ZNF462: variants seen among roughly 807,000 people sequenced by gnomAD.
ZNF462 encodes the protein zinc finger PBX1-interacting protein.
In ZNF462, 10 loss-of-function variants were observed where a neutral mutation model predicts 201.9. That is an observed-to-expected ratio of 0.05 (90% CI 0.03 to 0.08). The LOEUF is 0.08. Among genes scored for constraint, ZNF462 ranks in the 10% least tolerant of loss-of-function variants. The probability of loss-of-function intolerance (pLI) is 1.00; values close to 1 mark genes in which losing one functional copy is unlikely to be tolerated. For synonymous variants in ZNF462, 1,227 were observed against 1,193.3 expected (o/e 1.03, Z -0.58); for missense variants, 2,523 against 3,168.3 (o/e 0.80, Z 4.89).
chr9:106,888,223 A>G (rs1032607340), intron 1 of ZNF462, among the ~76,000 whole-genome samples: 3 of 150,038 alleles, frequency 2.0e-5, no homozygotes, highest in Non-Finnish European at 3.0e-5. Flanking sequence ...TTGTATTTTT[A>G]GTAGAGACAG....
In ZNF462 at chr9:106,915,214, C is replaced by CT. The variant is rs796730828; in HGVS notation, c.-30-8129dup. 6.6e-3 allele frequency among the ~76,000 whole-genome samples: 852 copies of CT among 128,634 alleles called. 11 individuals are homozygous for CT. The highest frequency in any genetic ancestry group is 0.035 in the East Asian group (138 of 3,904). 84.4% of individuals were successfully genotyped at this position (128,634 alleles called of 152,430 possible). A position where few individuals can be genotyped will look rare whatever the true frequency, so the allele number is the denominator to read the frequency against. ...GCATTTCTGTATGTTTTTTTTTTTT[C>CT]TTTTTTTTTTTAAAACAGCTCAACA... On this transcript the variant is annotated intron_variant, in intron 1 of 12. Transcript: ENST00000277225.
chr9:106,942,919 CATCTATCTATGCAGTTATGCT>C (rs374064783), intron 7 of ZNF462, among the ~76,000 whole-genome samples: 6,287 of 152,218 alleles, frequency 0.041, 396 homozygotes, highest in African/African-American at 0.14. Context: ...TATTTTGTTT[CATCTATCTATGCAGTTATGCT>C]ATGGAATTGC....
chr9:106,997,271 C>A (rs888941955), intron 10 of ZNF462, among the ~76,000 whole-genome samples: 3 of 152,176 alleles, frequency 2.0e-5, no homozygotes, highest in African/African-American at 7.2e-5. Flanking sequence ...CACGAAAGCT[C>A]CTCAGAAAAT....
Position 107,011,779 on chromosome 9 carries a change from AAG to A in ZNF462, c.*751_*752del. The A allele has an allele frequency of 6.6e-6, 1 of 152,310 alleles. No individual in the cohort carries two copies. The highest frequency in any genetic ancestry group is 2.1e-4 in the South Asian group (1 of 4,830). The allele number at this position is 152,310 out of a possible 1,614,324, so 9.4% of individuals were successfully genotyped here. A position where few individuals can be genotyped will look rare whatever the true frequency, so the allele number is the denominator to read the frequency against. ...TTTTAGTAAAAAACAAAACAAAAAA[AAG>A]AAACAGACTTTAATTATTAGATAAC... On this transcript the variant is annotated 3_prime_UTR_variant, in exon 13 of 13. Transcript: ENST00000277225. The surrounding 1 kb of genome is among the most constrained non-coding windows in gnomAD (Gnocchi z 5.6).
rs1827616538 is a variant in ZNF462 at position 106,872,052 on chromosome 9, T to G, written c.-31+8697T>G. 6.6e-6 allele frequency among the ~76,000 whole-genome samples: 1 copy of G among 152,206 alleles called. No homozygotes were observed. Among genetic ancestry groups the G allele is most frequent in the Non-Finnish European group, 1.5e-5 (1 of 68,034 alleles). ...ATTTTAAAATCCAAAATAAGGCCAC[T>G]GTGGTCCAGAATGTTTAGCCATTCT... On this transcript the variant is annotated intron_variant, in intron 1 of 12. Coordinates refer to ENST00000277225, the MANE Select transcript of ZNF462 (RefSeq NM_021224.6). The surrounding 1 kb of genome is among the most constrained non-coding windows in gnomAD (Gnocchi z 4.5).
At chr9:106,888,903 CT>C (rs1255765639) in intron 1 of ZNF462, among the ~76,000 whole-genome samples, 3 of 152,172 alleles carry the variant, frequency 2.0e-5, no homozygotes, top group Admixed American at 1.3e-4. Flanking sequence ...AACCTTGAGC[CT>C]TTGTTTTTGG....
At chr9:106,879,337 C>CCA (rs1554693622) in intron 1 of ZNF462, among the ~76,000 whole-genome samples, 33 of 105,396 alleles carry the variant, frequency 3.1e-4, no homozygotes, top group African/African-American at 1.1e-3. Flanking sequence ...TTTCCACCCC[C>CCA]CCCCCCACCC....
chr9:106,900,230 G>A (rs1829004334), intron 1 of ZNF462, among the ~76,000 whole-genome samples: 1 of 151,376 alleles, frequency 6.6e-6, no homozygotes, highest in Non-Finnish European at 1.5e-5. Flanking sequence ...GTGTGTGTGT[G>A]TGTGTGTGTG....
chr9:106,999,481 A>G (rs1829012463), intron 10 of ZNF462, among the ~76,000 whole-genome samples: 1 of 152,194 alleles, frequency 6.6e-6, no homozygotes, highest in African/African-American at 2.4e-5. Context: ...AAAGCCAGAA[A>G]TCATCTACCG....
At chr9:106,987,000 GATA>G (rs1406166693) in intron 10 of ZNF462, among the ~76,000 whole-genome samples, 2 of 146,168 alleles carry the variant, frequency 1.4e-5, no homozygotes, top group Admixed American at 6.8e-5. Flanking sequence ...TAGATAGATA[GATA>G]GATAGATAGA....
In ZNF462 at chr9:106,974,632, A is replaced by G. The variant is rs563783050; in HGVS notation, c.6832+359A>G. ...AAATGGGTGGGTGAAAGCAAATGTG[A>G]AATGTGGAGAGCTCTATGGCTGTGA... On this transcript the variant is annotated intron_variant, in intron 9 of 12. Coordinates refer to ENST00000277225, the MANE Select transcript of ZNF462 (RefSeq NM_021224.6). The surrounding 1 kb of genome is among the most constrained non-coding windows in gnomAD (Gnocchi z 4.0). 1 of 341,534 alleles carries G rather than the reference A, an allele frequency of 2.9e-6. No homozygotes were observed. The highest frequency in any genetic ancestry group is 2.1e-5 in the African/African-American group (1 of 47,542). 21.2% of individuals were successfully genotyped at this position (341,534 alleles called of 1,614,324 possible). A position where few individuals can be genotyped will look rare whatever the true frequency, so the allele number is the denominator to read the frequency against.
At chr9:106,934,761 G>GT (rs1315661278) in intron 5 of ZNF462, among the ~76,000 whole-genome samples, 2 of 152,194 alleles carry the variant, frequency 1.3e-5, no homozygotes, top group Non-Finnish European at 2.9e-5. Flanking sequence ...CCCACACCTT[G>GT]TTTGGTAGAT....
chr9:107,009,388 A>G lies in ZNF462; in HGVS notation c.7190-157A>G. ...CGAATGCTATTCAAGGAATGCCCTA[A>G]GGGGGAAACCTAAGAAAAAGTGAGG... On this transcript the variant is annotated intron_variant, in intron 11 of 12. Transcript: ENST00000277225. The surrounding 1 kb of genome is among the most constrained non-coding windows in gnomAD (Gnocchi z 6.1). The G allele has an allele frequency of 9.8e-7, 1 of 1,016,674 alleles. No homozygotes were observed. The highest frequency in any genetic ancestry group is 1.4e-6 in the Non-Finnish European group (1 of 708,246). The allele number at this position is 1,016,674 out of a possible 1,614,324, so 63.0% of individuals were successfully genotyped here. A position where few individuals can be genotyped will look rare whatever the true frequency, so the allele number is the denominator to read the frequency against.
chr9:106,928,358 G>A lies in ZNF462; in HGVS notation c.4446G>A (p.Leu1482=), dbSNP rs762976605. Residue 1482 remains leucine (L), a synonymous_variant, in exon 3 of 13, where the codon TTG becomes TTA. Transcript: ENST00000277225. The surrounding 1 kb of genome is among the most constrained non-coding windows in gnomAD (Gnocchi z 9.3). ...CTVCQSEYNN[L]HGLLTHYGKK... is the part of the protein sequence containing the mutation. ...TATGCCAATCTGAGTATAACAACTT[G>A]CACGGCCTTCTCACTCATTATGGGA... The A allele has an allele frequency of 4.3e-6, 7 of 1,614,140 alleles. No homozygotes were observed. In the Admixed American group the frequency reaches 5.0e-5, roughly 12 times the overall value.
intron 7 of ZNF462, among the ~76,000 whole-genome samples, chr9:106,941,108 TC>T: frequency 6.6e-6 from 1 of 152,254 alleles, no homozygotes; most frequent in East Asian, 1.9e-4. Context: ...TGGGTCTCAG[TC>T]AGAGGTCAAG....
chr9:106,946,157 TC>T (rs1294168262), intron 7 of ZNF462, among the ~76,000 whole-genome samples: 13 of 152,184 alleles, frequency 8.5e-5, no homozygotes, highest in Admixed American at 6.5e-4. Flanking sequence ...CAGAACTAGT[TC>T]CCAGCAACAC....
Position 106,924,731 on chromosome 9 carries a change from T to C in ZNF462, c.819T>C (p.Leu273=), listed in dbSNP as rs528594814. 101 of 1,614,052 alleles carry C rather than the reference T, an allele frequency of 6.3e-5. No homozygotes were observed. In the Admixed American group the frequency reaches 8.0e-4, roughly 13 times the overall value. ...AACACCGCAGTATGGTCAAGATCCT[T>C]TCCAGTCTCAGACAGCAACAAGAAG... ...MKKHRSMVKI[L]SSLRQQQEGT... is the part of the protein sequence containing the mutation. The change falls in exon 3 of 13, where the codon CTT becomes CTC. Residue 273 remains leucine, a synonymous_variant. Transcript: ENST00000277225. The surrounding 1 kb of genome is among the most constrained non-coding windows in gnomAD (Gnocchi z 6.2).
At chr9:106,867,996 A>G (rs1359651517) in intron 1 of ZNF462, among the ~76,000 whole-genome samples, 2 of 151,932 alleles carry the variant, frequency 1.3e-5, no homozygotes, top group South Asian at 2.1e-4. Flanking sequence ...ACATGAATGT[A>G]TGACTGGGAT....
intron 1 of ZNF462, among the ~76,000 whole-genome samples, chr9:106,881,132 G>A (rs750020708): frequency 2.3e-4 from 35 of 152,170 alleles, no homozygotes; most frequent in Non-Finnish European, 4.0e-4. Flanking sequence ...ATCTTGCTTC[G>A]TATCTTAGGA....
Sources: allele counts gnomAD v4.1 joint callset (sites outside exome capture counted in the v4.1 genomes callset), GRCh38; gene constraint gnomAD v4.1.1; non-coding constraint Gnocchi (gnomAD v3.1); transcripts MANE v1.5; gene names NCBI Gene and HGNC (gene_info 2026-07-23, HGNC 2026-07-21).